Variants in ROBO2 observed in about 807,000 individuals in gnomAD.
ROBO2 encodes roundabout homolog 2.
In ROBO2, 53 loss-of-function variants were observed where a neutral mutation model predicts 160.8. The observed-to-expected ratio is 0.33, with a 90% confidence interval of 0.26 to 0.41. The LOEUF (loss-of-function observed/expected upper bound fraction) is 0.41. Among genes scored for constraint, ROBO2 ranks in the 10% least tolerant of loss-of-function variants. The probability of loss-of-function intolerance (pLI) is 1.00; values close to 1 mark genes in which losing one functional copy is unlikely to be tolerated. For missense variants in ROBO2, 1,577 were observed against 1,722.4 expected (o/e 0.92, Z 1.49); for synonymous variants, 664 against 611.7 (o/e 1.09, Z -1.26).
rs897561149 is a variant in ROBO2 at position 76,565,513 on chromosome 3, G to A, written c.110-532501G>A. ...ACTGTCTGTCGTACCTATCTGCACT[G>A]TAGTTGAAGCACAAAATGTTTCCAT... is the stretch of plus-strand genomic sequence containing the variant. On this transcript the variant is annotated intron_variant, in intron 2 of 26. Transcript: ENST00000487694. Among the ~76,000 whole-genome samples, 3 of 152,270 alleles carry A rather than the reference G, an allele frequency of 2.0e-5. No individual in the cohort carries two copies. The East Asian group carries it at 5.8e-4, about 29-fold the overall frequency.
intron 2 of ROBO2, among the ~76,000 whole-genome samples, chr3:76,949,137 A>T (rs575135232): frequency 6.6e-6 from 1 of 151,696 alleles, no homozygotes; most frequent in Non-Finnish European, 1.5e-5. Context: ...TCCCCTAAAT[A>T]TTATAAATGT....
chr3:77,503,440 C>A (rs1444531658), intron 5 of ROBO2, among the ~76,000 whole-genome samples: 1 of 151,026 alleles, frequency 6.6e-6, no homozygotes, highest in African/African-American at 2.4e-5. Context: ...AGGAGAATGG[C>A]GTCAACCCGG....
chr3:76,049,403 A>ATATATATATATATTTTTTT (rs1414664360), intron 2 of ROBO2, among the ~76,000 whole-genome samples: 1 of 53,758 alleles, frequency 1.9e-5, no homozygotes, highest in African/African-American at 1.5e-4. Flanking sequence ...ATATATATAT[A>ATATATATATATATTTTTTT]TTTTTTTTTT....
chr3:76,041,922 C>T (rs1458669668), intron 2 of ROBO2, among the ~76,000 whole-genome samples: 1 of 151,062 alleles, frequency 6.6e-6, no homozygotes, highest in East Asian at 1.9e-4. Flanking sequence ...TTCTCTTGAT[C>T]ATCGGAAATC....
At chr3:76,896,834 A>T (rs1015228090) in intron 2 of ROBO2, among the ~76,000 whole-genome samples, 8 of 152,194 alleles carry the variant, frequency 5.3e-5, no homozygotes, top group Non-Finnish European at 7.4e-5. Context: ...GAGAATTTCT[A>T]AACTTTTAGG....
At chr3:75,932,059 T>C (rs1047069673) in intron 1 of ROBO2, among the ~76,000 whole-genome samples, 12 of 152,120 alleles carry the variant, frequency 7.9e-5, no homozygotes, top group African/African-American at 2.9e-4. Flanking sequence ...CCAGGGTATA[T>C]AGTCTGGCTG....
At chr3:77,021,804 C>A (rs2062654121) in intron 2 of ROBO2, among the ~76,000 whole-genome samples, 1 of 152,078 alleles carries the variant, frequency 6.6e-6, no homozygotes. Context: ...ATGAATTTAG[C>A]CCCCTTCCTC....
intron 2 of ROBO2, among the ~76,000 whole-genome samples, chr3:76,636,790 G>A (rs1395572033): frequency 1.3e-5 from 2 of 152,100 alleles, no homozygotes; most frequent in African/African-American, 2.4e-5. Context: ...GTTGTTTATA[G>A]ATCATAGGAA....
chr3:77,327,234 A>T (rs1299841230), intron 2 of ROBO2, among the ~76,000 whole-genome samples: 2 of 152,190 alleles, frequency 1.3e-5, no homozygotes, highest in African/African-American at 4.8e-5. Flanking sequence ...CGGCAGTTCT[A>T]TGAGAATACT....
chr3:77,276,217 C>CA (rs11414735), intron 2 of ROBO2, among the ~76,000 whole-genome samples: 26,733 of 143,214 alleles, frequency 0.19, 2,990 homozygotes, highest in Non-Finnish European at 0.26. Flanking sequence ...AACAAACAAA[C>CA]AAAAAAAAAA....
At chr3:77,408,763 C>G (rs1284755615) in intron 2 of ROBO2, among the ~76,000 whole-genome samples, 1 of 151,978 alleles carries the variant, frequency 6.6e-6, no homozygotes, top group Non-Finnish European at 1.5e-5. Flanking sequence ...CTCTGTGGCA[C>G]AGTCTGGATT....
chr3:77,540,640 A>C (rs1178916665), intron 6 of ROBO2, among the ~76,000 whole-genome samples: 1 of 152,172 alleles, frequency 6.6e-6, no homozygotes, highest in Non-Finnish European at 1.5e-5. Context: ...GTTAATACCT[A>C]GGTGAGGGGT....
chr3:77,630,266 T>C (rs888884631), intron 23 of ROBO2: 1 of 152,164 alleles, frequency 6.6e-6, no homozygotes, highest in Admixed American at 6.6e-5. Context: ...TACCGGAGAC[T>C]GGGTAATCTA....
chr3:77,534,444 G>GA (rs986849592), intron 6 of ROBO2, among the ~76,000 whole-genome samples: 44 of 152,094 alleles, frequency 2.9e-4, no homozygotes, highest in Middle Eastern at 3.4e-3. Flanking sequence ...GCTGTGTCCA[G>GA]AAAAAAATCA....
chr3:77,221,759 A>G (rs2085822689), intron 2 of ROBO2, among the ~76,000 whole-genome samples: 1 of 152,216 alleles, frequency 6.6e-6, no homozygotes. Context: ...TTCTGTGAAG[A>G]TACACAATAG....
intron 2 of ROBO2, among the ~76,000 whole-genome samples, chr3:76,370,968 T>A (rs1700152566): frequency 6.6e-6 from 1 of 151,884 alleles, no homozygotes; most frequent in Admixed American, 6.6e-5. Context: ...CATGATAACC[T>A]ATGTACCCTT....
chr3:75,934,867 A>T (rs1947702901), intron 1 of ROBO2, among the ~76,000 whole-genome samples: 1 of 152,104 alleles, frequency 6.6e-6, no homozygotes, highest in Non-Finnish European at 1.5e-5. Flanking sequence ...TGACTACTGG[A>T]TGTAGGTAAG....
At chr3:77,570,630 G>A (rs1192548922) in intron 13 of ROBO2, among the ~76,000 whole-genome samples, 1 of 151,990 alleles carries the variant, frequency 6.6e-6, no homozygotes, top group Admixed American at 6.6e-5. Context: ...GTATGCATTT[G>A]AAAGAGATAA....
At chr3:76,151,487 GC>G (rs1352672206) in intron 2 of ROBO2, among the ~76,000 whole-genome samples, 2 of 152,120 alleles carry the variant, frequency 1.3e-5, no homozygotes, top group Non-Finnish European at 2.9e-5. Flanking sequence ...TATTTGCCAG[GC>G]TATAGCTTTG....
Sources: allele counts gnomAD v4.1 joint callset (sites outside exome capture counted in the v4.1 genomes callset), GRCh38; gene constraint gnomAD v4.1.1; transcripts MANE v1.5; gene names NCBI Gene and HGNC (gene_info 2026-07-23, HGNC 2026-07-21).